The following ADAMTS12 variants were observed in gnomAD, a reference collection of about 807,000 sequenced individuals.
The protein encoded by ADAMTS12 is A disintegrin and metalloproteinase with thrombospondin motifs 12.
Under a neutral mutation model 167.8 loss-of-function variants are expected in ADAMTS12, and 118 were observed. The ratio of observed to expected loss-of-function variants is 0.70; its 90% confidence interval spans 0.61 to 0.82. The LOEUF is 0.82. Ranked by LOEUF, ADAMTS12 falls within the 40% of genes least tolerant of loss-of-function variation. The pLI, the probability that ADAMTS12 is intolerant of heterozygous loss-of-function variation, is 0.00. For missense variants in ADAMTS12, 1,916 were observed against 1,998.8 expected (o/e 0.96, Z 0.79); for synonymous variants, 704 against 716.9 (o/e 0.98, Z 0.29).
At chr5:33,844,392 T>C (rs1748863304) in intron 2 of ADAMTS12, among the ~76,000 whole-genome samples, 1 of 152,130 alleles carries the variant, frequency 6.6e-6, no homozygotes, top group African/African-American at 2.4e-5. Context: ...GCAAGGAACA[T>C]CCCTGAGAAA....
chr5:33,592,963 T>C lies in ADAMTS12; in HGVS notation c.2654+2971A>G, dbSNP rs1241655834. On this transcript the variant is annotated intron_variant, in intron 17 of 23. Coordinates refer to ENST00000504830, the MANE Select transcript of ADAMTS12 (RefSeq NM_030955.4). ...ATCTTGCAAAAACAAATAATATTAG[T>C]TTATTATTTATTTATTTTTAAAAAA... is the stretch of plus-strand genomic sequence containing the variant. Among the ~76,000 whole-genome samples the C allele has an allele frequency of 2.6e-5, 4 of 152,216 alleles. No homozygotes were observed. The East Asian group carries it at 7.7e-4, about 29-fold the overall frequency.
chr5:33,648,769 C>T lies in ADAMTS12; in HGVS notation c.1479+53G>A, dbSNP rs143290575. The T allele has an allele frequency of 1.3e-3, 2,033 of 1,604,598 alleles. 3 individuals carry two copies. Among genetic ancestry groups the T allele is most frequent in the Non-Finnish European group, 1.5e-3 (1,815 of 1,174,158 alleles). ...CCAAATATTGTCCTGGCCCTTCCTTCAGCATGCTGGAGATCTGAAGCCCTG... is the reference window on the plus strand; with the variant it reads ...CCAAATATTGTCCTGGCCCTTCCTTTAGCATGCTGGAGATCTGAAGCCCTG... On this transcript the variant is annotated intron_variant, in intron 9 of 23. Coordinates refer to ENST00000504830, the MANE Select transcript of ADAMTS12 (RefSeq NM_030955.4).
At chr5:33,769,565 G>C (rs1051953024) in intron 2 of ADAMTS12, among the ~76,000 whole-genome samples, 8 of 152,162 alleles carry the variant, frequency 5.3e-5, no homozygotes, top group African/African-American at 1.9e-4. Flanking sequence ...GTGATGTTGT[G>C]AGTCCATCTC....
intron 2 of ADAMTS12, among the ~76,000 whole-genome samples, chr5:33,846,050 C>T (rs190118688): frequency 7.4e-4 from 113 of 152,348 alleles, no homozygotes; most frequent in Non-Finnish European, 1.4e-3. Context: ...GATCAAACTT[C>T]AGCATGAAAT....
At chr5:33,883,686 C>T (rs970201757) in intron 1 of ADAMTS12, among the ~76,000 whole-genome samples, 5 of 152,116 alleles carry the variant, frequency 3.3e-5, no homozygotes, top group Admixed American at 1.3e-4. Flanking sequence ...ATATGGAACC[C>T]ATTAAAATGG....
chr5:33,592,698 T>A (rs12519217), intron 17 of ADAMTS12, among the ~76,000 whole-genome samples: 73,184 of 151,960 alleles, frequency 0.48, 17,833 homozygotes, highest in East Asian at 0.69. Flanking sequence ...CTTAAAAAAA[T>A]CTCTCTCAAA....
intron 2 of ADAMTS12, among the ~76,000 whole-genome samples, chr5:33,815,538 A>G (rs1352469413): frequency 2.6e-5 from 4 of 152,178 alleles, no homozygotes; most frequent in Admixed American, 2.6e-4. Context: ...AACTTTGAGA[A>G]AGGAATATCT....
chr5:33,572,654 CA>C (rs1746445901), intron 19 of ADAMTS12, among the ~76,000 whole-genome samples: 1 of 137,448 alleles, frequency 7.3e-6, no homozygotes, highest in Non-Finnish European at 1.6e-5. Flanking sequence ...ACTGAATGGG[CA>C]AAAACTGGAA....
At chr5:33,676,638 C>T (rs976095792) in intron 5 of ADAMTS12, among the ~76,000 whole-genome samples, 1 of 150,866 alleles carries the variant, frequency 6.6e-6, no homozygotes, top group Non-Finnish European at 1.5e-5. Flanking sequence ...GAACTATGTG[C>T]CACTGCACTC....
At chr5:33,527,883 A>G (rs1054155938) in intron 23 of ADAMTS12, among the ~76,000 whole-genome samples, 1 of 152,212 alleles carries the variant, frequency 6.6e-6, no homozygotes, top group Non-Finnish European at 1.5e-5. Flanking sequence ...GCCAAGCTCA[A>G]TCATGTGAAC....
At chr5:33,709,168 A>G (rs180744229) in intron 3 of ADAMTS12, among the ~76,000 whole-genome samples, 5 of 152,306 alleles carry the variant, frequency 3.3e-5, no homozygotes, top group African/African-American at 1.2e-4. Context: ...ATCTCAGGCC[A>G]GTCATAATGG....
intron 2 of ADAMTS12, among the ~76,000 whole-genome samples, chr5:33,805,871 G>C (rs1747208079): frequency 6.6e-6 from 1 of 150,486 alleles, no homozygotes; most frequent in Non-Finnish European, 1.5e-5. Context: ...CTGGGCAACA[G>C]AGTGAGATTT....
rs544195501 is a variant in ADAMTS12, at chr5:33,722,134, C to T, written c.634+29270G>A. 9.2e-4 allele frequency among the ~76,000 whole-genome samples: 140 copies of T among 152,312 alleles called. 1 individual carries two copies. Among genetic ancestry groups the T allele is most frequent in the African/African-American group, 3.2e-3 (132 of 41,552 alleles). On this transcript the variant is annotated intron_variant, in intron 3 of 23. Transcript: ENST00000504830. ...AACTGCAATGTGACTAACACTGCAA[C>T]CACATTTCCATCCAACTCAGATCAT...
intron 3 of ADAMTS12, among the ~76,000 whole-genome samples, chr5:33,721,592 G>A (rs115948803): frequency 0.038 from 5,790 of 152,240 alleles, 366 homozygotes; most frequent in African/African-American, 0.13. Context: ...TTTAAGGGCC[G>A]CAAGCCTGCT....
intron 2 of ADAMTS12, among the ~76,000 whole-genome samples, chr5:33,804,929 C>G (rs1747164745): frequency 6.6e-6 from 1 of 152,052 alleles, no homozygotes; most frequent in African/African-American, 2.4e-5. Context: ...ATGTGAAAGT[C>G]AATGGGGATC....
intron 2 of ADAMTS12, among the ~76,000 whole-genome samples, chr5:33,829,167 G>A (rs930822945): frequency 1.3e-5 from 2 of 152,066 alleles, no homozygotes; most frequent in African/African-American, 4.8e-5. Flanking sequence ...TGCCAATAAT[G>A]GGAAAAGAAC....
chr5:33,600,187 C>T (rs1462806250), intron 16 of ADAMTS12, among the ~76,000 whole-genome samples: 1 of 152,196 alleles, frequency 6.6e-6, no homozygotes, highest in Non-Finnish European at 1.5e-5. Context: ...AATGTTATTT[C>T]CAGATGATTC....
chr5:33,847,141 C>A (rs960873735), intron 2 of ADAMTS12, among the ~76,000 whole-genome samples: 1 of 152,208 alleles, frequency 6.6e-6, no homozygotes, highest in Non-Finnish European at 1.5e-5. Context: ...AGCCCTAATC[C>A]AGCACAAAGG....
chr5:33,636,285 G>A (rs929777933), intron 12 of ADAMTS12, among the ~76,000 whole-genome samples: 1 of 152,242 alleles, frequency 6.6e-6, no homozygotes, highest in South Asian at 2.1e-4. Flanking sequence ...CAGGACCACT[G>A]ACCCAAATAG....
Sources: gnomAD v4.1 joint callset for allele counts (sites outside exome capture counted in the v4.1 genomes callset) on GRCh38, gnomAD v4.1.1 for gene constraint, MANE v1.5 for transcripts, NCBI Gene and HGNC (gene_info 2026-07-23, HGNC 2026-07-21) for gene names.